Variants in ELMOD3 observed in about 807,000 individuals in gnomAD.
ELMOD3 encodes the protein ELMO domain containing 3.
In ELMOD3, 36 loss-of-function variants were observed where a neutral mutation model predicts 47.4. That is an observed-to-expected ratio of 0.76 (90% CI 0.58 to 1.00). The LOEUF (loss-of-function observed/expected upper bound fraction) is 1.00, where lower values mean the gene tolerates loss of function less well. ELMOD3 is among the 50% of genes least tolerant of loss of function. ELMOD3 has a pLI of 0.00. For synonymous variants in ELMOD3, 149 were observed against 183.5 expected, an observed-to-expected ratio of 0.81 and a Z score of 1.52; for missense variants, 404 against 463.8, an observed-to-expected ratio of 0.87 and a Z score of 1.18.
Position 85,391,010 on chromosome 2 carries a change from G to A in ELMOD3, c.*48G>A, listed in dbSNP as rs1350758783. 6.6e-7 allele frequency: 1 copy of A among 1,513,978 alleles called. No individual in the cohort carries two copies. The highest frequency in any genetic ancestry group is 2.5e-5 in the East Asian group (1 of 40,484). 93.8% of individuals were successfully genotyped at this position (1,513,978 alleles called of 1,614,324 possible). On this transcript the variant is annotated 3_prime_UTR_variant, in exon 14 of 14. Coordinates refer to ENST00000409013, the MANE Select transcript of ELMOD3 (RefSeq NM_001135022.2). Reference sequence around the variant, plus strand: ...AAAGGCTGAGCTGCAGGGGCTTTCAGGGGGTCAGTGGAGCCATGTCAGGAG... The same window carrying A: ...AAAGGCTGAGCTGCAGGGGCTTTCAAGGGGTCAGTGGAGCCATGTCAGGAG...
intron 4 of ELMOD3, among the ~76,000 whole-genome samples, chr2:85,359,598 T>C (rs1683802109): frequency 6.6e-6 from 1 of 151,794 alleles, no homozygotes; most frequent in Non-Finnish European, 1.5e-5. Flanking sequence ...AAAAATACTT[T>C]TTTGTATTTT....
chr2:85,388,741 G>C (rs966317008), intron 11 of ELMOD3, among the ~76,000 whole-genome samples: 3 of 152,226 alleles, frequency 2.0e-5, no homozygotes, highest in Non-Finnish European at 1.5e-5. Flanking sequence ...AATGTGGCTA[G>C]TACCACTAAG....
intron 12 of ELMOD3, 136 bp from the exon 13 acceptor site, chr2:85,390,002 C>A: frequency 8.9e-7 from 1 of 1,122,526 alleles, no homozygotes; most frequent in Non-Finnish European, 1.4e-6. Context: ...CCTTAGATGT[C>A]AGGCTCCTGG....
chr2:85,374,192 C>G (rs1169529241), intron 10 of ELMOD3, among the ~76,000 whole-genome samples: 1 of 151,870 alleles, frequency 6.6e-6, no homozygotes, highest in Non-Finnish European at 1.5e-5. Context: ...AGTTCATATT[C>G]TCTTTCTGCT....
At chr2:85,368,296 T>G (rs1684542080) in intron 6 of ELMOD3, 2 of 197,914 alleles carry the variant, frequency 1.0e-5, no homozygotes, top group Non-Finnish European at 2.1e-5. Context: ...GATGTGGTAG[T>G]GCGTGCCTGT....
chr2:85,371,102 C>G lies in ELMOD3; in HGVS notation c.377C>G (p.Thr126Ser). 6.2e-7 allele frequency: 1 copy of G among 1,614,124 alleles called. No individual in the cohort carries two copies. The highest frequency in any genetic ancestry group is 8.5e-7 in the Non-Finnish European group (1 of 1,179,950). Residue 126 changes from threonine (T) to serine (S), a missense_variant, in exon 9 of 14, where the codon ACT becomes AGT. Transcript: ENST00000409013. The stretch of plus-strand genomic sequence containing the variant: ...CTTCCCCAGAAAAGAATCCAGCCAA[C>G]TATTCGAAGGACTGGGCTCGCCGCC... The part of the protein sequence containing the change: ...LSPFKKRIQP[T>S]IRRTGLAALR...
At chr2:85,364,825 A>ATTTTTTTTTTTTTTTTTTTTTTTTTTT (rs869054374) in intron 6 of ELMOD3, among the ~76,000 whole-genome samples, 1 of 69,892 alleles carries the variant, frequency 1.4e-5, no homozygotes, top group Non-Finnish European at 2.5e-5. Flanking sequence ...ATATATATAT[A>ATTTTTTTTTTTTTTTTTTTTTTTTTTT]TTTTTTTTTT....
chr2:85,380,600 A>G (rs1383310436), intron 11 of ELMOD3, among the ~76,000 whole-genome samples: 1 of 152,180 alleles, frequency 6.6e-6, no homozygotes, highest in Non-Finnish European at 1.5e-5. Context: ...ATTTTGGCTC[A>G]TGGCAACCTC....
intron 6 of ELMOD3, among the ~76,000 whole-genome samples, chr2:85,365,957 C>A (rs1489611053): frequency 6.6e-6 from 1 of 151,790 alleles, no homozygotes; most frequent in Admixed American, 6.6e-5. Flanking sequence ...TCTACTCTTC[C>A]CCCAGTCCCT....
intron 10 of ELMOD3, 76 bp from the exon 11 acceptor site, chr2:85,377,268 C>T: frequency 7.3e-7 from 1 of 1,375,990 alleles, no homozygotes; most frequent in Admixed American, 2.4e-5. Context: ...AGGCCAGTGT[C>T]AGGGCAGCTT....
intron 3 of ELMOD3, 162 bp downstream of exon 3, chr2:85,355,760 A>G (rs1020095531): frequency 6.6e-6 from 1 of 152,432 alleles, no homozygotes; most frequent in African/African-American, 2.4e-5. Flanking sequence ...GATGGAGGAA[A>G]AGGAAAGGGG....
intron 6 of ELMOD3, among the ~76,000 whole-genome samples, chr2:85,365,878 T>C (rs1166042619): frequency 6.6e-6 from 1 of 152,142 alleles, no homozygotes; most frequent in Non-Finnish European, 1.5e-5. Flanking sequence ...AATAAATCAA[T>C]AAAGCTGCAT....
chr2:85,362,135 C>G, intron 4 of ELMOD3, 51 bp from the exon 5 acceptor site: 3 of 1,085,678 alleles, frequency 2.8e-6, no homozygotes, highest in Non-Finnish European at 4.3e-6. Context: ...AAACTATTAT[C>G]TTTGGGGGAT....
intron 11 of ELMOD3, among the ~76,000 whole-genome samples, chr2:85,381,325 G>A (rs1483362913): frequency 6.6e-6 from 1 of 152,182 alleles, no homozygotes; most frequent in Non-Finnish European, 1.5e-5. Context: ...TTTAACCAAA[G>A]CAATAACTCA....
At chr2:85,384,639 G>A (rs1301360179) in intron 11 of ELMOD3, among the ~76,000 whole-genome samples, 8 of 152,136 alleles carry the variant, frequency 5.3e-5, no homozygotes. Flanking sequence ...AGGCTGGAAT[G>A]CAGTGGCACA....
intron 11 of ELMOD3, among the ~76,000 whole-genome samples, chr2:85,382,782 C>T (rs1685662610): frequency 6.6e-6 from 1 of 152,100 alleles, no homozygotes; most frequent in Admixed American, 6.5e-5. Flanking sequence ...TCCCAAAGTA[C>T]TGGGATTACA....
At chr2:85,361,529 A>G (rs1683955247) in intron 4 of ELMOD3, among the ~76,000 whole-genome samples, 1 of 152,152 alleles carries the variant, frequency 6.6e-6, no homozygotes, top group Admixed American at 6.6e-5. Context: ...GCAAACTAAC[A>G]CAGAGCAGAA....
intron 5 of ELMOD3, 133 bp downstream of exon 5, chr2:85,362,393 G>T: frequency 1.5e-6 from 1 of 655,814 alleles, no homozygotes; most frequent in Non-Finnish European, 2.8e-6. Flanking sequence ...TCACACTTGA[G>T]GGGAGTGAGG....
chr2:85,390,408 C>T (rs750408685), intron 13 of ELMOD3, 143 bp downstream of exon 13: 2 of 1,614,218 alleles, frequency 1.2e-6, no homozygotes, highest in Non-Finnish European at 1.7e-6. Flanking sequence ...AAATCTCCAT[C>T]ACCCACCCCC....
Sources: allele counts gnomAD v4.1 joint callset (sites outside exome capture counted in the v4.1 genomes callset), GRCh38; gene constraint gnomAD v4.1.1; transcripts MANE v1.5; gene names NCBI Gene and HGNC (gene_info 2026-07-23, HGNC 2026-07-21).